Variants in IQUB observed in about 807,000 individuals in gnomAD.
IQUB encodes the protein IQ motif and ubiquitin domain containing.
In IQUB, 86 loss-of-function variants were observed where a neutral mutation model predicts 86.4. The observed-to-expected ratio is 1.00, with a 90% confidence interval of 0.84 to 1.19. The LOEUF is 1.19. Ranked by LOEUF, IQUB falls within the 50% of genes most tolerant of loss-of-function variation. The pLI is 0.00. For missense variants in IQUB, 946 were observed against 916.9 expected (o/e 1.03, Z -0.41); for synonymous variants, 289 against 304.5 (o/e 0.95, Z 0.53).
At position 123,464,188 on chromosome 7, in the gene IQUB, G is replaced by A. The variant is rs138518177; in HGVS notation, c.1758+645C>T. Among the ~76,000 whole-genome samples the A allele has an allele frequency of 5.1e-3, 774 of 151,830 alleles. 3 individuals carry two copies. Among genetic ancestry groups the A allele is most frequent in the African/African-American group, 0.017 (713 of 41,486 alleles). The stretch of plus-strand genomic sequence containing the variant: ...CTACCCCAAGAGTTTTGCTAATAGT[G>A]TTTTAAATAGCTCTGCACAGTAAGA... On this transcript the variant is annotated intron_variant, in intron 10 of 12. Coordinates refer to ENST00000324698, the MANE Select transcript of IQUB (RefSeq NM_178827.5).
rs1562865903 is a variant in IQUB at position 123,508,240 on chromosome 7, A to G, written c.532+1661T>C. 5.3e-5 allele frequency among the ~76,000 whole-genome samples: 8 copies of G among 152,318 alleles called. No individual in the cohort carries two copies. The South Asian group carries it at 1.7e-3, about 32-fold the overall frequency. On this transcript the variant is annotated intron_variant, in intron 3 of 12. Transcript: ENST00000324698. ...AACTCTAAAAGCTGGAAGGGCAAGGAATCAGATTCTCTTCTGGATCCTCCA... is the reference window on the plus strand; with the variant it reads ...AACTCTAAAAGCTGGAAGGGCAAGGGATCAGATTCTCTTCTGGATCCTCCA...
intron 8 of IQUB, among the ~76,000 whole-genome samples, chr7:123,470,491 A>G (rs1206777922): frequency 2.6e-5 from 4 of 152,194 alleles, no homozygotes; most frequent in Admixed American, 2.0e-4. Flanking sequence ...TGGAAGCTCT[A>G]TGTATTGGAA....
At chr7:123,455,574 C>G (rs1406502505) in intron 12 of IQUB, among the ~76,000 whole-genome samples, 3 of 152,104 alleles carry the variant, frequency 2.0e-5, no homozygotes, top group Non-Finnish European at 4.4e-5. Flanking sequence ...CTCAAAGCTT[C>G]CCTATGATGA....
chr7:123,531,091 T>C (rs1353766625), intron 1 of IQUB, among the ~76,000 whole-genome samples: 1 of 152,152 alleles, frequency 6.6e-6, no homozygotes, highest in African/African-American at 2.4e-5. Flanking sequence ...TTCGGATCCA[T>C]AATCAAATTG....
At position 123,493,317 on chromosome 7, in the gene IQUB, C is replaced by T. The variant is rs572567763; in HGVS notation, c.1234+3379G>A. ...TAGCAATGGCTCTCTCCAAAAAAAA[C>T]CTACCTTACTAACCTCTTCAAATCT... On this transcript the variant is annotated intron_variant, in intron 7 of 12. Coordinates refer to ENST00000324698, the MANE Select transcript of IQUB (RefSeq NM_178827.5). Among the ~76,000 whole-genome samples the T allele has an allele frequency of 4.9e-4, 75 of 152,254 alleles. 1 individual carries two copies. Among genetic ancestry groups the T allele is most frequent in the Non-Finnish European group, 8.2e-4 (56 of 68,002 alleles).
rs773724871 is a variant in IQUB at position 123,479,871 on chromosome 7, A to T, written c.1334T>A (p.Ile445Asn). ...GTATCTATGTCTCCCAATGGAAGCAATTATCTGAGTCTCTTTTTCCAGAAG... is the reference window on the plus strand; with the variant it reads ...GTATCTATGTCTCCCAATGGAAGCATTTATCTGAGTCTCTTTTTCCAGAAG... Reference protein sequence around the residue: ...CELLEKETQIIASIGRHRYIA... With the variant: ...CELLEKETQINASIGRHRYIA... Residue 445 changes from isoleucine to asparagine, a missense_variant, in exon 8 of 13, where the codon ATT (isoleucine) becomes AAT (asparagine). Transcript: ENST00000324698. 1 of 1,613,062 alleles carries T rather than the reference A, an allele frequency of 6.2e-7. No individual in the cohort carries two copies. Among genetic ancestry groups the T allele is most frequent in the Non-Finnish European group, 8.5e-7 (1 of 1,179,390 alleles).
At chr7:123,525,219 A>G (rs1302797771) in intron 1 of IQUB, among the ~76,000 whole-genome samples, 1 of 152,110 alleles carries the variant, frequency 6.6e-6, no homozygotes, top group East Asian at 1.9e-4. Flanking sequence ...GCCTCATAAA[A>G]TGAGTTAGGG....
intron 7 of IQUB, 30 bp from the exon 8 acceptor site, chr7:123,480,000 T>A: frequency 6.5e-7 from 1 of 1,540,698 alleles, no homozygotes; most frequent in Non-Finnish European, 8.8e-7. Context: ...GACTCTTGAG[T>A]TTTTAAAAAT....
intron 7 of IQUB, among the ~76,000 whole-genome samples, chr7:123,480,569 C>T (rs903286558): frequency 6.6e-6 from 1 of 152,098 alleles, no homozygotes; most frequent in African/African-American, 2.4e-5. Flanking sequence ...TTCCCTCTCT[C>T]AACTGATGAG....
intron 8 of IQUB, among the ~76,000 whole-genome samples, chr7:123,473,864 C>T (rs1563438198): frequency 2.6e-5 from 4 of 151,956 alleles, no homozygotes; most frequent in Non-Finnish European, 5.9e-5. Context: ...GGATTACAGG[C>T]GTGAGCCACC....
intron 10 of IQUB, chr7:123,462,698 A>ATTAT (rs139647443): frequency 0.025 from 8,105 of 321,716 alleles, 597 homozygotes; most frequent in African/African-American, 0.16. Context: ...ATCTTGAATG[A>ATTAT]TTATTTTATC....
intron 11 of IQUB, 128 bp downstream of exon 11, chr7:123,461,229 A>G (rs1317344242): frequency 1.9e-5 from 18 of 950,770 alleles, no homozygotes. Context: ...CTGCCCTCAC[A>G]GAGCTTACAG....
At chr7:123,499,584 G>A (rs985861960) in intron 6 of IQUB, among the ~76,000 whole-genome samples, 2 of 152,120 alleles carry the variant, frequency 1.3e-5, no homozygotes, top group Admixed American at 6.6e-5. Context: ...CAAGGATAAA[G>A]TGAAAATCCT....
chr7:123,512,973 C>T (rs904383613), intron 1 of IQUB, among the ~76,000 whole-genome samples: 10 of 152,134 alleles, frequency 6.6e-5, no homozygotes, highest in Non-Finnish European at 1.3e-4. Flanking sequence ...ATGCCAGAGC[C>T]GGGCTGCAGA....
intron 8 of IQUB, among the ~76,000 whole-genome samples, chr7:123,477,421 A>C (rs1390704353): frequency 6.6e-6 from 1 of 152,178 alleles, no homozygotes; most frequent in Non-Finnish European, 1.5e-5. Flanking sequence ...TTCCTTACAC[A>C]CCTTATACAA....
chr7:123,517,530 CAAAAAAAAAA>C (rs374712007), intron 1 of IQUB, among the ~76,000 whole-genome samples: 38 of 22,452 alleles, frequency 1.7e-3, no homozygotes, highest in Middle Eastern at 0.045. Context: ...GACTCCATCT[CAAAAAAAAAA>C]AAAAAAAAAA....
chr7:123,458,027 G>C, intron 11 of IQUB: 1 of 155,906 alleles, frequency 6.4e-6, no homozygotes, highest in East Asian at 1.9e-4. Flanking sequence ...TGTCATCCTT[G>C]TCCAAGGGCC....
chr7:123,504,047 T>C (rs1796066388), intron 3 of IQUB, among the ~76,000 whole-genome samples: 1 of 152,162 alleles, frequency 6.6e-6, no homozygotes, highest in African/African-American at 2.4e-5. Context: ...GTACAGGACA[T>C]ACCCATATCA....
intron 7 of IQUB, among the ~76,000 whole-genome samples, chr7:123,489,841 C>G (rs531868782): frequency 1.3e-5 from 2 of 151,764 alleles, no homozygotes; most frequent in African/African-American, 4.8e-5. Context: ...GAGATAGTGG[C>G]TAAGAATTAT....
Sources: gnomAD v4.1 joint callset for allele counts (sites outside exome capture counted in the v4.1 genomes callset) on GRCh38, gnomAD v4.1.1 for gene constraint, MANE v1.5 for transcripts, NCBI Gene and HGNC (gene_info 2026-07-23, HGNC 2026-07-21) for gene names.